Variants in NELL2 observed in about 807,000 individuals in gnomAD.
NELL2 encodes the protein protein kinase C-binding protein NELL2.
A neutral mutation model predicts 109.6 loss-of-function variants in NELL2; 41 were observed. That is an observed-to-expected ratio of 0.37 (90% CI 0.29 to 0.49). The LOEUF (loss-of-function observed/expected upper bound fraction) is 0.49, where lower values mean the gene tolerates loss of function less well. NELL2 is among the 20% of genes least tolerant of loss of function. The pLI is 0.98. For missense variants in NELL2, 900 were observed against 1,008.3 expected (o/e 0.89, Z 1.45); for synonymous variants, 355 against 344.7 (o/e 1.03, Z -0.33).
intron 15 of NELL2, among the ~76,000 whole-genome samples, chr12:44,567,540 A>G (rs1943707276): frequency 6.6e-6 from 1 of 152,206 alleles, no homozygotes; most frequent in Admixed American, 6.5e-5. Context: ...ACACACTACT[A>G]AAAGAAAGGC....
At chr12:44,875,548 C>G in intron 1 of NELL2, 195 bp from the exon 2 acceptor site, 1 of 1,613,996 alleles carries the variant, frequency 6.2e-7, no homozygotes, top group East Asian at 2.2e-5. Context: ...AGCACCCAGT[C>G]CCGTTTCCAT....
intron 9 of NELL2, among the ~76,000 whole-genome samples, chr12:44,750,928 A>G (rs999517496): frequency 6.6e-6 from 1 of 152,170 alleles, no homozygotes; most frequent in Non-Finnish European, 1.5e-5. Context: ...AATATTCAAG[A>G]AGGTGTTTGG....
At position 44,921,791 on chromosome 12, in the gene NELL2, T is replaced by G. The variant is rs1454485487; in HGVS notation, c.-33A>C. ...TCATACACAAAAGGACTTCTCTACC[T>G]TTTCAGAGAGTACTTCTGCCTTTGT... On this transcript the variant is annotated splice_region_variant and 5_prime_UTR_variant, in exon 1 of 10. Coordinates refer to the NELL2 transcript ENST00000552993. The G allele has an allele frequency of 5.3e-5, 8 of 149,812 alleles. 1 individual carries two copies. Among genetic ancestry groups the G allele is most frequent in the Non-Finnish European group, 1.2e-4 (8 of 67,418 alleles). 9.3% of individuals were successfully genotyped at this position (149,812 alleles called of 1,614,324 possible). A position where few individuals can be genotyped will look rare whatever the true frequency, so the allele number is the denominator to read the frequency against.
chr12:44,757,886 T>C (rs80179403), intron 9 of NELL2, among the ~76,000 whole-genome samples: 1,995 of 152,264 alleles, frequency 0.013, 38 homozygotes, highest in African/African-American at 0.041. Flanking sequence ...TATGATGTAA[T>C]TAAGTATTAT....
intron 3 of NELL2, among the ~76,000 whole-genome samples, chr12:44,795,767 T>A (rs967957050): frequency 1.3e-5 from 2 of 152,148 alleles, no homozygotes. Context: ...CCAAAATTAT[T>A]GTGAGTTAGG....
chr12:44,649,266 C>G (rs977106953), intron 13 of NELL2, among the ~76,000 whole-genome samples: 2 of 141,500 alleles, frequency 1.4e-5, no homozygotes, highest in Non-Finnish European at 3.1e-5. Flanking sequence ...CCTTGGTAAT[C>G]CAGCGTCTGA....
At chr12:44,837,634 G>A (rs530304314) in intron 2 of NELL2, among the ~76,000 whole-genome samples, 2 of 152,194 alleles carry the variant, frequency 1.3e-5, no homozygotes, top group South Asian at 2.1e-4. Context: ...CACCATAGCT[G>A]TAGATCTCAA....
chr12:44,921,189 G>T (rs896443707), intron 1 of NELL2, among the ~76,000 whole-genome samples: 1 of 152,076 alleles, frequency 6.6e-6, no homozygotes, highest in Non-Finnish European at 1.5e-5. Context: ...TCAAATGAAC[G>T]TCTTCTCATT....
chr12:44,637,043 G>T (rs546952970), intron 13 of NELL2, among the ~76,000 whole-genome samples: 1 of 152,156 alleles, frequency 6.6e-6, no homozygotes, highest in African/African-American at 2.4e-5. Context: ...TTTGCATAGA[G>T]GTGTTTATAG....
At chr12:44,544,072 C>A (rs974084912) in intron 15 of NELL2, among the ~76,000 whole-genome samples, 1 of 151,830 alleles carries the variant, frequency 6.6e-6, no homozygotes, top group Non-Finnish European at 1.5e-5. Context: ...GGGGCAGAAC[C>A]AACATCTTTA....
At chr12:44,834,341 TATAA>T (rs1340793638) in intron 2 of NELL2, among the ~76,000 whole-genome samples, 2 of 151,876 alleles carry the variant, frequency 1.3e-5, no homozygotes, top group Non-Finnish European at 2.9e-5. Flanking sequence ...TTTCATAAAA[TATAA>T]ATATAGTAAA....
At chr12:44,849,561 A>G (rs1206006922) in intron 2 of NELL2, among the ~76,000 whole-genome samples, 1 of 152,212 alleles carries the variant, frequency 6.6e-6, no homozygotes, top group African/African-American at 2.4e-5. Context: ...ACAGTACAAA[A>G]TGGTACAATC....
At chr12:44,719,647 C>A (rs925414165) in intron 9 of NELL2, among the ~76,000 whole-genome samples, 16 of 152,050 alleles carry the variant, frequency 1.1e-4, no homozygotes, top group African/African-American at 3.9e-4. Context: ...CTTTAAAATT[C>A]TTTTTCAAAA....
chr12:44,903,551 G>T (rs1455246930), intron 1 of NELL2, among the ~76,000 whole-genome samples: 4 of 151,988 alleles, frequency 2.6e-5, no homozygotes, highest in African/African-American at 9.7e-5. Flanking sequence ...TATACCCAAA[G>T]GATTATAAAT....
chr12:44,768,316 T>G (rs1236383539), intron 9 of NELL2, among the ~76,000 whole-genome samples: 2 of 91,862 alleles, frequency 2.2e-5, no homozygotes, highest in Non-Finnish European at 4.6e-5. Flanking sequence ...TTAAAGGGTT[T>G]TTTTTTTAAT....
At chr12:44,872,881 T>C in intron 2 of NELL2, among the ~76,000 whole-genome samples, 1 of 152,280 alleles carries the variant, frequency 6.6e-6, no homozygotes, top group African/African-American at 2.4e-5. Context: ...ATCTATAAAA[T>C]CTTCAGTCTG....
chr12:44,595,946 T>A (rs1167546543), intron 15 of NELL2, among the ~76,000 whole-genome samples: 2 of 152,194 alleles, frequency 1.3e-5, no homozygotes, highest in African/African-American at 2.4e-5. Flanking sequence ...CATAAAGCCT[T>A]CCCCTGTAAA....
intron 1 of NELL2, among the ~76,000 whole-genome samples, chr12:44,896,623 A>G (rs1356251483): frequency 6.6e-6 from 1 of 152,226 alleles, no homozygotes; most frequent in African/African-American, 2.4e-5. Flanking sequence ...AATTGATTTT[A>G]TAAGAAAAAT....
chr12:44,585,388 G>A (rs183037154), intron 15 of NELL2, among the ~76,000 whole-genome samples: 30 of 152,210 alleles, frequency 2.0e-4, no homozygotes, highest in Non-Finnish European at 5.9e-5. Context: ...GATCATCTGA[G>A]GTCAGGAGTT....
Sources: gnomAD v4.1 joint callset for allele counts (sites outside exome capture counted in the v4.1 genomes callset) on GRCh38, gnomAD v4.1.1 for gene constraint, MANE v1.5 for transcripts, NCBI Gene and HGNC (gene_info 2026-07-23, HGNC 2026-07-21) for gene names.